KRABD1: variants seen among roughly 807,000 people sequenced by gnomAD.
The protein encoded by KRABD1 is KRAB domain-containing protein 1.
the KRABD1 span, chr3:42,941,276 G>A: frequency 6.3e-7 from 1 of 1,592,344 alleles, no homozygotes; most frequent in East Asian, 2.2e-5. Flanking sequence ...CGAAGGAATG[G>A]GCCATCATGG....
the KRABD1 span, chr3:42,936,509 A>G: frequency 3.9e-5 from 6 of 152,206 alleles, no homozygotes; most frequent in African/African-American, 1.2e-4. Flanking sequence ...GGGTGTGGCT[A>G]CTGCTGGTAC....
chr3:42,938,323 A>C, the KRABD1 span: 1 of 152,242 alleles, frequency 6.6e-6, no homozygotes, highest in African/African-American at 2.4e-5. Context: ...AATATTTCTG[A>C]TAACTATTTT....
the KRABD1 span, chr3:42,942,215 T>G: frequency 1.5e-6 from 1 of 650,576 alleles, no homozygotes; most frequent in East Asian, 2.7e-5. Context: ...CGGTGTGTTA[T>G]TCATAGCTTC....
the KRABD1 span, chr3:42,941,959 G>A: frequency 5.9e-6 from 9 of 1,529,654 alleles, no homozygotes; most frequent in East Asian, 9.8e-5. Context: ...TTCGAGCAGT[G>A]CCACCCACTT....
At chr3:42,936,768 C>G in the KRABD1 span, 1 of 152,240 alleles carries the variant, frequency 6.6e-6, no homozygotes, top group South Asian at 2.1e-4. Flanking sequence ...CTCCAGCCCC[C>G]TTGTCTTTGA....
chr3:42,939,074 A>G, the KRABD1 span: 1 of 574,020 alleles, frequency 1.7e-6, no homozygotes, highest in Non-Finnish European at 2.9e-6. Flanking sequence ...GTACACACAC[A>G]CATTTCTCAT....
the KRABD1 span, chr3:42,938,189 T>A: frequency 1.3e-5 from 2 of 152,218 alleles, no homozygotes; most frequent in South Asian, 4.1e-4. Flanking sequence ...TGGGACATGT[T>A]ATGAAGTTGA....
At chr3:42,941,338 C>CTG in the KRABD1 span, 1 of 1,596,268 alleles carries the variant, frequency 6.3e-7, no homozygotes, top group Non-Finnish European at 8.5e-7. Flanking sequence ...AACTATGAGG[C>CTG]TGTGGCCTTT....
At chr3:42,938,975 AT>A in the KRABD1 span, 1 of 1,429,238 alleles carries the variant, frequency 7.0e-7, no homozygotes, top group African/African-American at 1.4e-5. Context: ...CTGTGTGTAT[AT>A]ACATATGTGT....
chr3:42,939,421 G>A, the KRABD1 span, among the ~76,000 whole-genome samples: 99 of 152,158 alleles, frequency 6.5e-4, 1 homozygote, highest in Admixed American at 5.9e-4. Context: ...TTTCACTACT[G>A]AGTAGTTTTT....
the KRABD1 span, chr3:42,938,704 C>G: frequency 2.3e-6 from 1 of 439,060 alleles, no homozygotes; most frequent in Non-Finnish European, 4.2e-6. Flanking sequence ...TGTATGCCTG[C>G]TATCTCGCCT....
chr3:42,942,564 T>TA, the KRABD1 span: 19 of 1,387,802 alleles, frequency 1.4e-5, no homozygotes, highest in Non-Finnish European at 1.6e-5. Context: ...AAGATATACT[T>TA]ACTTAGCTAA....
At chr3:42,941,981 T>G in the KRABD1 span, 1 of 1,535,924 alleles carries the variant, frequency 6.5e-7, no homozygotes, top group Non-Finnish European at 8.7e-7. Flanking sequence ...CAAACCAGCT[T>G]TGGTCTCTCA....
At chr3:42,942,118 C>A in the KRABD1 span, 1 of 1,281,330 alleles carries the variant, frequency 7.8e-7, no homozygotes, top group Non-Finnish European at 1.1e-6. Flanking sequence ...TCTTCCTTTG[C>A]CTTCATTTCA....
At chr3:42,940,815 A>G in the KRABD1 span, among the ~76,000 whole-genome samples, 1 of 152,240 alleles carries the variant, frequency 6.6e-6, no homozygotes, top group Non-Finnish European at 1.5e-5. Flanking sequence ...ATGGAGTAAT[A>G]TGAGTAACCC....
At chr3:42,938,367 A>G in the KRABD1 span, 2 of 152,294 alleles carry the variant, frequency 1.3e-5, no homozygotes, top group African/African-American at 2.4e-5. Flanking sequence ...CTTCAGTCAT[A>G]GAAACTCTTG....
chr3:42,941,716 T>TA, the KRABD1 span, among the ~76,000 whole-genome samples: 1 of 151,958 alleles, frequency 6.6e-6, no homozygotes, highest in Non-Finnish European at 1.5e-5. Context: ...ACAAAGAAGG[T>TA]AAAAAATCTT....
chr3:42,938,641 C>G, the KRABD1 span: 71 of 360,282 alleles, frequency 2.0e-4, no homozygotes, highest in African/African-American at 1.3e-3. Context: ...TTTCTCAGTC[C>G]ACTTTTTCAT....
chr3:42,937,122 C>CT, the KRABD1 span: 4 of 152,282 alleles, frequency 2.6e-5, no homozygotes, highest in East Asian at 7.7e-4. Context: ...CGAAAGATTT[C>CT]TTGACCTCTT....
Sources: gnomAD v4.1 joint callset for allele counts (sites outside exome capture counted in the v4.1 genomes callset) on GRCh38, gnomAD v4.1.1 for gene constraint, MANE v1.5 for transcripts, NCBI Gene and HGNC (gene_info 2026-07-23, HGNC 2026-07-21) for gene names.